Variants in SMG9 observed in about 807,000 individuals in gnomAD.
SMG9 encodes nonsense-mediated mRNA decay factor SMG9.
In SMG9, 55 loss-of-function variants were observed where a neutral mutation model predicts 64.0. The ratio of observed to expected loss-of-function variants is 0.86; its 90% confidence interval spans 0.69 to 1.08. SMG9 has a LOEUF of 1.08. SMG9 is among the 50% of genes least tolerant of loss of function. SMG9 has a pLI of 0.00. For synonymous variants in SMG9, 244 were observed against 254.8 expected, an observed-to-expected ratio of 0.96 and a Z score of 0.41; for missense variants, 554 against 681.3, an observed-to-expected ratio of 0.81 and a Z score of 2.08.
intron 5 of SMG9, among the ~76,000 whole-genome samples, chr19:43,745,909 G>C (rs1037566598): frequency 2.0e-5 from 3 of 152,172 alleles, no homozygotes; most frequent in Non-Finnish European, 4.4e-5. Context: ...GCTGAGGCAG[G>C]AGAATTGCTT....
Position 43,734,389 on chromosome 19 carries a change from C to T in SMG9, c.1102G>A (p.Val368Ile). 1.3e-6 allele frequency: 2 copies of T among 1,552,348 alleles called. No homozygotes were observed. Among genetic ancestry groups the T allele is most frequent in the Non-Finnish European group, 1.7e-6 (2 of 1,147,200 alleles). The change falls in exon 10 of 14, where the codon GTC becomes ATC. Residue 368 changes from valine (V) to isoleucine (I), a missense_variant and splice_region_variant. Transcript: ENST00000270066. ...DEGTEYYPHL[V>I]FLQNKARRED... ...CTCCAGTCCCCAGAAAGCCTCTCACCTAGGTGGGGGTAGTACTCGGTGCCT... is the reference window on the plus strand; with the variant it reads ...CTCCAGTCCCCAGAAAGCCTCTCACTTAGGTGGGGGTAGTACTCGGTGCCT...
At chr19:43,745,007 T>C (rs1199024598) in intron 5 of SMG9, 123 bp from the exon 6 acceptor site, 2 of 633,050 alleles carry the variant, frequency 3.2e-6, no homozygotes, top group Non-Finnish European at 5.6e-6. Context: ...GAGAAACTCC[T>C]ATAGTCCCAA....
intron 11 of SMG9, 37 bp downstream of exon 11, chr19:43,733,589 G>C (rs754669448): frequency 4.3e-6 from 7 of 1,610,634 alleles, no homozygotes; most frequent in Non-Finnish European, 5.9e-6. Flanking sequence ...GGAATTAGGA[G>C]GCTGACTAGC....
rs1969088733 is a variant in SMG9, at chr19:43,748,202, T to G, written c.151-150A>C. 4.0e-6 allele frequency: 4 copies of G among 1,003,774 alleles called. 1 individual carries two copies. The highest frequency in any genetic ancestry group is 5.7e-5 in the East Asian group (2 of 35,356). 62.2% of individuals were successfully genotyped at this position (1,003,774 alleles called of 1,614,324 possible). On this transcript the variant is annotated intron_variant, in intron 2 of 13. Transcript: ENST00000270066. Reference sequence around the variant, plus strand: ...GATAGATACTATTATTACCCCCACTTTACAGATGAAGAAAATGAAGCCTAG... The same window carrying G: ...GATAGATACTATTATTACCCCCACTGTACAGATGAAGAAAATGAAGCCTAG...
intron 2 of SMG9, chr19:43,748,697 G>A (rs755010303): frequency 9.6e-6 from 5 of 520,054 alleles, no homozygotes; most frequent in Non-Finnish European, 1.9e-5. Context: ...CTGCTGAAGA[G>A]GGGAGAAATC....
intron 4 of SMG9, 41 bp from the exon 5 acceptor site, chr19:43,747,580 G>A: frequency 6.2e-7 from 1 of 1,614,074 alleles, no homozygotes; most frequent in South Asian, 1.1e-5. Context: ...ATGCAGTGAG[G>A]ATCTGTGAGG....
chr19:43,742,909 G>A (rs1158465967), intron 6 of SMG9, among the ~76,000 whole-genome samples: 5 of 152,044 alleles, frequency 3.3e-5, no homozygotes, highest in Middle Eastern at 3.4e-3. Flanking sequence ...TAAACATGGC[G>A]AAACCCCATC....
chr19:43,743,021 G>A (rs1250217517), intron 6 of SMG9, among the ~76,000 whole-genome samples: 3 of 151,976 alleles, frequency 2.0e-5, no homozygotes, highest in Non-Finnish European at 4.4e-5. Context: ...ATTGTGTTAA[G>A]CTGAAATTGT....
chr19:43,744,943 G>C (rs1968954807), intron 5 of SMG9, 59 bp from the exon 6 acceptor site: 5 of 1,315,274 alleles, frequency 3.8e-6, no homozygotes, highest in East Asian at 2.4e-5. Flanking sequence ...GCTGGAATGA[G>C]GGGGGGACTC....
intron 5 of SMG9, 150 bp from the exon 6 acceptor site, chr19:43,745,034 T>A: frequency 3.6e-6 from 2 of 559,448 alleles, no homozygotes; most frequent in Non-Finnish European, 6.4e-6. Flanking sequence ...CAACTAGGCA[T>A]AGGGCCTCTG....
Position 43,747,905 on chromosome 19 carries a change from G to C in SMG9, c.226-8C>G, listed in dbSNP as rs777509265. 4 of 1,613,414 alleles carry C rather than the reference G, an allele frequency of 2.5e-6. No individual in the cohort carries two copies. ...AGGTGGTGGCTGTTTTGACTACGGA[G>C]GTAAAAAAAATCCCATCAATGGGGG... On this transcript the variant is annotated splice_polypyrimidine_tract_variant and splice_region_variant and intron_variant, in intron 3 of 13. Coordinates refer to ENST00000270066, the MANE Select transcript of SMG9 (RefSeq NM_019108.4).
chr19:43,744,827 C>T lies in SMG9; in HGVS notation c.646G>A (p.Gly216Ser). The change falls in exon 6 of 14, where the codon GGC becomes AGC. Residue 216 changes from glycine (G) to serine (S), a missense_variant. By Grantham distance (56) the Gly-to-Ser change is moderately conservative. Coordinates refer to ENST00000270066, the MANE Select transcript of SMG9 (RefSeq NM_019108.4). ...VVGVLGLQGT[G>S]KSMVMSLLSA... Reference sequence around the variant, plus strand: ...AACAATGACATGACCATGGACTTGCCTGTCCCCTGGAGGCCCAGGACACCA... The same window carrying T: ...AACAATGACATGACCATGGACTTGCTTGTCCCCTGGAGGCCCAGGACACCA... 1 of 1,614,048 alleles carries T rather than the reference C, an allele frequency of 6.2e-7. No individual in the cohort carries two copies. The highest frequency in any genetic ancestry group is 8.5e-7 in the Non-Finnish European group (1 of 1,179,956).
chr19:43,737,729 G>A, intron 8 of SMG9, 47 bp from the exon 9 acceptor site: 6 of 1,580,584 alleles, frequency 3.8e-6, no homozygotes, highest in Non-Finnish European at 5.2e-6. Flanking sequence ...CTTCTGCCCA[G>A]ACTAATCAGG....
At chr19:43,738,041 C>A in intron 8 of SMG9, 81 bp downstream of exon 8, 1 of 1,377,376 alleles carries the variant, frequency 7.3e-7, no homozygotes, top group Non-Finnish European at 1.0e-6. Flanking sequence ...AGTGGACCAC[C>A]CACACCCAGC....
chr19:43,750,563 G>C (rs1350580417), intron 2 of SMG9, 29 bp downstream of exon 2: 1 of 1,590,670 alleles, frequency 6.3e-7, no homozygotes. Context: ...ATAGATACAT[G>C]AATGCTGCTC....
intron 2 of SMG9, among the ~76,000 whole-genome samples, chr19:43,748,390 T>C (rs1969094660): frequency 6.6e-6 from 1 of 152,202 alleles, no homozygotes; most frequent in African/African-American, 2.4e-5. Flanking sequence ...CGCCTCGTGT[T>C]GGCTGTGTGA....
At chr19:43,753,463 T>C (rs865978942) in intron 1 of SMG9, among the ~76,000 whole-genome samples, 2,448 of 146,292 alleles carry the variant, frequency 0.017, 31 homozygotes, top group Non-Finnish European at 0.023. Context: ...CTTTTCTTTT[T>C]TTTTTTTTTT....
At chr19:43,746,386 C>T (rs1169085356) in intron 5 of SMG9, among the ~76,000 whole-genome samples, 2 of 152,206 alleles carry the variant, frequency 1.3e-5, no homozygotes, top group Non-Finnish European at 2.9e-5. Flanking sequence ...GGCTACCATA[C>T]TGGACGGATA....
At chr19:43,740,468 G>A (rs1329457625) in intron 6 of SMG9, among the ~76,000 whole-genome samples, 1 of 152,062 alleles carries the variant, frequency 6.6e-6, no homozygotes, top group Non-Finnish European at 1.5e-5. Flanking sequence ...GGTGTTGAAG[G>A]GCAGAGACTC....
Sources: gnomAD v4.1 joint callset for allele counts (sites outside exome capture counted in the v4.1 genomes callset) on GRCh38, gnomAD v4.1.1 for gene constraint, MANE v1.5 for transcripts, NCBI Gene and HGNC (gene_info 2026-07-23, HGNC 2026-07-21) for gene names.